The following CHST6 variants were observed in gnomAD, a reference collection of about 807,000 sequenced individuals.
CHST6 encodes the protein carbohydrate sulfotransferase 6, also known as N-acetylglucosamine 6-O-sulfotransferase 5.
For synonymous variants in CHST6, 309 were observed against 276.4 expected (o/e 1.12, Z -1.17); for missense variants, 698 against 586.2 (o/e 1.19, Z -1.97).
Position 75,474,296 on chromosome 16 carries a change from T to C in CHST6, c.*4345A>G, listed in dbSNP as rs2080044122. The C allele has an allele frequency of 3.2e-6, 1 of 313,560 alleles. No homozygotes were observed. Among genetic ancestry groups the C allele is most frequent in the Non-Finnish European group, 5.8e-6 (1 of 172,860 alleles). 19.4% of individuals were successfully genotyped at this position (313,560 alleles called of 1,614,324 possible). A position where few individuals can be genotyped will look rare whatever the true frequency, so the allele number is the denominator to read the frequency against. On this transcript the variant is annotated 3_prime_UTR_variant, in exon 3 of 3. Transcript: ENST00000332272. The stretch of plus-strand genomic sequence containing the variant: ...ACAGATGGGGTCATTTATTTAGAGA[T>C]AGGTGTCTTGCTCTGTCACTCAGGC...
At position 75,479,624 on chromosome 16, in the gene CHST6, G is replaced by C. The variant is rs28379330; in HGVS notation, c.205C>G (p.Leu69Val). 3 of 1,612,840 alleles carry C rather than the reference G, an allele frequency of 1.9e-6. No individual in the cohort carries two copies. The highest frequency in any genetic ancestry group is 2.5e-6 in the Non-Finnish European group (3 of 1,179,828). Residue 69 changes from leucine (L) to valine (V), a missense_variant, in exon 3 of 3, where the codon CTA (leucine) becomes GTA (valine). Physicochemically the swap from Leu to Val is conservative, Grantham distance 32 (BLOSUM62 1). Transcript: ENST00000332272. Reference protein sequence around the residue: ...LFNQHPDVFYLMEPAWHVWTT... With the variant: ...LFNQHPDVFYVMEPAWHVWTT... The stretch of plus-strand genomic sequence containing the variant: ...CACACGTGCCACGCGGGCTCCATTA[G>C]GTAGAAGACGTCGGGGTGCTGGTTG...
rs2080090096 is a variant in CHST6, at chr16:75,478,488, G to C, written c.*153C>G. ...GGAAAACCAAGAATCAAGAGAGAAA[G>C]AAACGTGCAGTCCTTGCCTACTTGG... On this transcript the variant is annotated 3_prime_UTR_variant, in exon 3 of 3. Coordinates refer to ENST00000332272, the MANE Select transcript of CHST6 (RefSeq NM_021615.5). 1.4e-6 allele frequency: 1 copy of C among 732,604 alleles called. No homozygotes were observed. Among genetic ancestry groups the C allele is most frequent in the African/African-American group, 1.8e-5 (1 of 56,954 alleles). The allele number at this position is 732,604 out of a possible 1,614,324, so 45.4% of individuals were successfully genotyped here. A position where few individuals can be genotyped will look rare whatever the true frequency, so the allele number is the denominator to read the frequency against.
At chr16:75,483,436 AC>A (rs2080163722) in intron 1 of CHST6, among the ~76,000 whole-genome samples, 1 of 152,176 alleles carries the variant, frequency 6.6e-6, no homozygotes, top group African/African-American at 2.4e-5. Flanking sequence ...AAACTCAAGA[AC>A]TAGGAAGGTG....
In CHST6 at chr16:75,472,846, A is replaced by G. The variant is rs926039197; in HGVS notation, c.*5795T>C. ...CAGGCAACACTGTTTCTATGCACCC[A>G]TCAGCCCATCTAGTGCTTTGATTGC... On this transcript the variant is annotated 3_prime_UTR_variant, in exon 3 of 3. Coordinates refer to ENST00000332272, the MANE Select transcript of CHST6 (RefSeq NM_021615.5). 1 of 152,222 alleles carries G rather than the reference A, an allele frequency of 6.6e-6. No individual in the cohort carries two copies. The allele number at this position is 152,222 out of a possible 1,614,324, so 9.4% of individuals were successfully genotyped here.
chr16:75,487,800 C>T (rs2080216284), intron 1 of CHST6, among the ~76,000 whole-genome samples: 1 of 137,996 alleles, frequency 7.2e-6, no homozygotes, highest in Non-Finnish European at 1.6e-5. Flanking sequence ...GAGACTCCGT[C>T]CCCCCTAAAA....
rs376406460 is a variant in CHST6, at chr16:75,478,792, T to C, written c.1037A>G (p.Gln346Arg). The change falls in exon 3 of 3, where the codon CAG becomes CGG. Residue 346 changes from glutamine to arginine, a missense_variant. Coordinates refer to ENST00000332272, the MANE Select transcript of CHST6 (RefSeq NM_021615.5). ...ALPFAKIRRVQELCAGALQLL... is the reference protein window; with the variant it reads ...ALPFAKIRRVRELCAGALQLL... ...CTGCAGCGCACCAGCGCACAGTTCC[T>C]GCACGCGGCGGATCTTGGCAAAGGG... 1.9e-6 allele frequency: 3 copies of C among 1,613,472 alleles called. No homozygotes were observed. Among genetic ancestry groups the C allele is most frequent in the African/African-American group, 1.3e-5 (1 of 75,066 alleles).
intron 1 of CHST6, among the ~76,000 whole-genome samples, chr16:75,487,526 C>A (rs189408700): frequency 6.6e-6 from 1 of 151,822 alleles, no homozygotes; most frequent in Non-Finnish European, 1.5e-5. Context: ...TTTGGCCAGG[C>A]GTGGTGGCTC....
intron 1 of CHST6, among the ~76,000 whole-genome samples, chr16:75,488,001 C>A (rs757797365): frequency 1.3e-5 from 2 of 151,700 alleles, no homozygotes; most frequent in Admixed American, 6.6e-5. Context: ...CCTCAAAAAA[C>A]AAACAAACAA....
At position 75,478,570 on chromosome 16, in the gene CHST6, G is replaced by T; in HGVS notation, c.*71C>A. On this transcript the variant is annotated 3_prime_UTR_variant, in exon 3 of 3. Transcript: ENST00000332272. ...GGTCAATATAGGGACCTGCTTCTCC[G>T]TGCGCCCCAGCCCCCTCTGCACCAT... is the stretch of plus-strand genomic sequence containing the variant. The T allele has an allele frequency of 6.6e-7, 1 of 1,504,012 alleles. No homozygotes were observed. Among genetic ancestry groups the T allele is most frequent in the Non-Finnish European group, 9.3e-7 (1 of 1,081,058 alleles). The allele number at this position is 1,504,012 out of a possible 1,614,324, so 93.2% of individuals were successfully genotyped here.
chr16:75,491,190 A>AAAAAAAATATATATAT (rs1206595857), intron 1 of CHST6, among the ~76,000 whole-genome samples: 9 of 50,080 alleles, frequency 1.8e-4, no homozygotes, highest in Admixed American at 3.6e-4. Flanking sequence ...AAAAAAAAAA[A>AAAAAAAATATATATAT]ATATATATAT....
At chr16:75,489,128 G>C (rs533423841) in intron 1 of CHST6, among the ~76,000 whole-genome samples, 2 of 151,986 alleles carry the variant, frequency 1.3e-5, no homozygotes, top group East Asian at 3.9e-4. Context: ...GCAGGGCATG[G>C]TGACTGATGC....
Position 75,478,761 on chromosome 16 carries a change from C to G in CHST6, c.1068G>C (p.Leu356=). The G allele has an allele frequency of 6.2e-7, 1 of 1,613,502 alleles. No homozygotes were observed. Among genetic ancestry groups the G allele is most frequent in the Non-Finnish European group, 8.5e-7 (1 of 1,180,012 alleles). ...CCTCAGAGTACACAGGCCGGTAGCC[C>G]AGCAGCTGCAGCGCACCAGCGCACA... ...QELCAGALQL[L]GYRPVYSEDE... Residue 356 remains leucine, a synonymous_variant, in exon 3 of 3, where the codon CTG becomes CTC. Coordinates refer to ENST00000332272, the MANE Select transcript of CHST6 (RefSeq NM_021615.5).
rs780265010 is a variant in CHST6 at position 75,479,756 on chromosome 16, G to A, written c.73C>T (p.Leu25=). Reference sequence around the variant, plus strand: ...GACGAGGGCCCTGGCCGGGAAACCAGAAAGAGGAGGAGGAAGGTCTGCGCC... The same window carrying A: ...GACGAGGGCCCTGGCCGGGAAACCAAAAAGAGGAGGAGGAAGGTCTGCGCC... ...LLAQTFLLLF[L]VSRPGPSSPA... The change falls in exon 3 of 3, where the codon CTG becomes TTG. Residue 25 remains leucine (L), a synonymous_variant. Coordinates refer to ENST00000332272, the MANE Select transcript of CHST6 (RefSeq NM_021615.5). The A allele has an allele frequency of 1.9e-6, 3 of 1,601,096 alleles. No individual in the cohort carries two copies. The highest frequency in any genetic ancestry group is 1.7e-6 in the Non-Finnish European group (2 of 1,174,496).
At chr16:75,480,927 C>CA (rs60465949) in intron 2 of CHST6, among the ~76,000 whole-genome samples, 7,184 of 111,294 alleles carry the variant, frequency 0.065, 575 homozygotes, top group African/African-American at 0.18. Context: ...AACTTCATTC[C>CA]AAAAAAAAAA....
intron 1 of CHST6, among the ~76,000 whole-genome samples, chr16:75,484,911 T>C (rs956065510): frequency 1.3e-5 from 2 of 152,150 alleles, no homozygotes; most frequent in Non-Finnish European, 2.9e-5. Context: ...ATGTTTCATA[T>C]GTGAAGACAG....
At position 75,472,583 on chromosome 16, in the gene CHST6, T is replaced by C. The variant is rs1180050698; in HGVS notation, c.*6058A>G. The stretch of plus-strand genomic sequence containing the variant: ...ATCAGGTAGGCAAAAATTAAAACCA[T>C]TGATTTAACCCTGTAGAGGTGATGG... On this transcript the variant is annotated 3_prime_UTR_variant, in exon 3 of 3. Transcript: ENST00000332272. 1 of 152,136 alleles carries C rather than the reference T, an allele frequency of 6.6e-6. No individual in the cohort carries two copies. The highest frequency in any genetic ancestry group is 1.5e-5 in the Non-Finnish European group (1 of 68,012). The allele number at this position is 152,136 out of a possible 1,614,324, so 9.4% of individuals were successfully genotyped here.
chr16:75,489,919 G>A (rs2080237983), intron 1 of CHST6, among the ~76,000 whole-genome samples: 1 of 152,086 alleles, frequency 6.6e-6, no homozygotes, highest in African/African-American at 2.4e-5. Flanking sequence ...GCCCATGCCT[G>A]TAATCCCAGC....
intron 1 of CHST6, among the ~76,000 whole-genome samples, chr16:75,488,617 G>A (rs2080225859): frequency 6.6e-6 from 1 of 152,118 alleles, no homozygotes; most frequent in Non-Finnish European, 1.5e-5. Flanking sequence ...AGGCTAACAA[G>A]GAGCAAAAGA....
chr16:75,493,702 A>G (rs934739160), intron 1 of CHST6, among the ~76,000 whole-genome samples: 20 of 152,122 alleles, frequency 1.3e-4, no homozygotes, highest in Non-Finnish European at 1.5e-4. Flanking sequence ...TCCAAGGGAA[A>G]GTCTTTGAAT....
Sources: allele counts gnomAD v4.1 joint callset (sites outside exome capture counted in the v4.1 genomes callset), GRCh38; gene constraint gnomAD v4.1.1; transcripts MANE v1.5; gene names NCBI Gene and HGNC (gene_info 2026-07-23, HGNC 2026-07-21).